COLEC10: variants seen among roughly 807,000 people sequenced by gnomAD.
COLEC10 encodes collectin subfamily member 10, also known as collectin-10.
A neutral mutation model predicts 28.4 loss-of-function variants in COLEC10; 22 were observed. The observed-to-expected ratio is 0.78, with a 90% CI of 0.55 to 1.11. COLEC10 has a LOEUF of 1.11. Ranked by LOEUF, COLEC10 falls within the 50% of genes least tolerant of loss-of-function variation. The pLI, the probability that COLEC10 is intolerant of heterozygous loss-of-function variation, is 0.00. For missense variants in COLEC10, 361 were observed against 344.1 expected (o/e 1.05, Z -0.39); for synonymous variants, 125 against 116.1 (o/e 1.08, Z -0.49).
At chr8:118,981,154 T>A in the COLEC10 span, among the ~76,000 whole-genome samples, 628 of 152,090 alleles carry the variant, frequency 4.1e-3, 3 homozygotes, top group South Asian at 0.011. Flanking sequence ...TTCTGTGGGT[T>A]CCGCCTCAAA....
chr8:119,067,210 C>T (rs556470646), upstream of COLEC10: 148 of 1,488,074 alleles, frequency 9.9e-5, 1 homozygote, highest in African/African-American at 1.7e-3. Flanking sequence ...TTCCCCAAAG[C>T]AGGAGGTTTT....
intron 3 of COLEC10, among the ~76,000 whole-genome samples, chr8:119,092,973 C>T (rs183641427): frequency 4.6e-5 from 7 of 152,048 alleles, no homozygotes; most frequent in African/African-American, 1.7e-4. Flanking sequence ...GGAGAGTAAG[C>T]AGCAAGACTG....
intron 2 of COLEC10, among the ~76,000 whole-genome samples, chr8:119,021,657 A>G (rs16891859): frequency 0.044 from 6,694 of 152,210 alleles, 219 homozygotes; most frequent in East Asian, 0.16. Flanking sequence ...CCTTGGCAGC[A>G]CTGTTAAATA....
At chr8:119,008,009 T>C (rs1474858685) in intron 1 of COLEC10, among the ~76,000 whole-genome samples, 1 of 150,922 alleles carries the variant, frequency 6.6e-6, no homozygotes, top group Non-Finnish European at 1.5e-5. Flanking sequence ...ACAAAAAAAT[T>C]ATTATTTAAC....
chr8:119,074,969 G>A (rs920871235), intron 1 of COLEC10, among the ~76,000 whole-genome samples: 8 of 152,208 alleles, frequency 5.3e-5, no homozygotes, highest in East Asian at 1.9e-4. Flanking sequence ...GTTAAGCCGC[G>A]TAAAGCTCTT....
chr8:119,091,302 C>A, intron 3 of COLEC10, 82 bp downstream of exon 3: 1 of 990,248 alleles, frequency 1.0e-6, no homozygotes, highest in Non-Finnish European at 1.6e-6. Context: ...GTAATCCCAA[C>A]ACTCAGAGAC....
At chr8:119,094,682 A>G (rs1469958083) in intron 3 of COLEC10, among the ~76,000 whole-genome samples, 1 of 152,180 alleles carries the variant, frequency 6.6e-6, no homozygotes, top group Admixed American at 6.5e-5. Flanking sequence ...AAAGTTGCTG[A>G]AACTGGATTG....
At chr8:118,992,426 A>G (rs1353373854), upstream of COLEC10, among the ~76,000 whole-genome samples, 1 of 152,178 alleles carries the variant, frequency 6.6e-6, no homozygotes, top group African/African-American at 2.4e-5. Context: ...TTGGCAGGAC[A>G]TGGTAGAAGA....
chr8:119,046,154 A>T (rs571670403), intron 2 of COLEC10, among the ~76,000 whole-genome samples: 87 of 152,342 alleles, frequency 5.7e-4, no homozygotes, highest in Non-Finnish European at 1.0e-3. Flanking sequence ...GGAGGAAAAA[A>T]GTCATCTCAA....
At chr8:119,057,154 T>C (rs1244395777) in intron 2 of COLEC10, among the ~76,000 whole-genome samples, 2 of 152,022 alleles carry the variant, frequency 1.3e-5, no homozygotes, top group African/African-American at 4.8e-5. Context: ...GTTTCCTCCA[T>C]GCTGTTCTCA....
intron 3 of COLEC10, among the ~76,000 whole-genome samples, chr8:119,091,508 T>C (rs1218538655): frequency 6.7e-6 from 1 of 148,500 alleles, no homozygotes; most frequent in East Asian, 2.0e-4. Context: ...TGAACCATGA[T>C]CACACCACTG....
intron 1 of COLEC10, among the ~76,000 whole-genome samples, chr8:119,004,995 G>A (rs184361926): frequency 2.2e-4 from 33 of 152,040 alleles, no homozygotes; most frequent in Non-Finnish European, 3.2e-4. Flanking sequence ...ATTCTAACAT[G>A]CAGGTATGAT....
intron 2 of COLEC10, among the ~76,000 whole-genome samples, chr8:119,011,706 G>A (rs1157608006): frequency 6.6e-6 from 1 of 150,786 alleles, no homozygotes; most frequent in Non-Finnish European, 1.5e-5. Flanking sequence ...AGTATTTTGT[G>A]CTTTTGGGTG....
intron 1 of COLEC10, among the ~76,000 whole-genome samples, chr8:118,996,715 G>A (rs1354911101): frequency 6.6e-6 from 1 of 152,150 alleles, no homozygotes; most frequent in Non-Finnish European, 1.5e-5. Context: ...GGTAATTTAT[G>A]AGAAAAGAGG....
In COLEC10 at chr8:119,015,273, C is replaced by T. The variant is rs76153857; in HGVS notation, n.235+5720C>T. On this transcript the variant is annotated intron_variant and non_coding_transcript_variant, in intron 2 of 6. Coordinates refer to the COLEC10 transcript ENST00000521788. ...TCGGTCTTTTGATGAGCCTGTGTCTCTAGACTGAATTTCATATATGTTTCT... is the reference window on the plus strand; with the variant it reads ...TCGGTCTTTTGATGAGCCTGTGTCTTTAGACTGAATTTCATATATGTTTCT... Among the ~76,000 whole-genome samples the T allele has an allele frequency of 5.4e-3, 792 of 147,900 alleles. 73 individuals are homozygous for T. Among genetic ancestry groups the T allele is most frequent in the African/African-American group, 0.02 (762 of 38,994 alleles).
chr8:119,052,376 AAG>A (rs942499119), intron 2 of COLEC10, among the ~76,000 whole-genome samples: 27 of 151,912 alleles, frequency 1.8e-4, no homozygotes, highest in Non-Finnish European at 3.2e-4. Context: ...GTTGCTGGGG[AAG>A]AGTTATTACA....
chr8:118,984,016 TA>T, the COLEC10 span, among the ~76,000 whole-genome samples: 6 of 148,058 alleles, frequency 4.1e-5, no homozygotes, highest in East Asian at 1.2e-3. Context: ...ATTGTTCTAC[TA>T]TAAAGACATG....
intron 2 of COLEC10, among the ~76,000 whole-genome samples, chr8:119,015,068 T>G (rs561006409): frequency 2.0e-5 from 3 of 151,192 alleles, no homozygotes; most frequent in African/African-American, 7.4e-5. Flanking sequence ...CATATCTGAG[T>G]CTGGTTTAGA....
chr8:119,045,564 C>T (rs969227579), intron 2 of COLEC10, among the ~76,000 whole-genome samples: 26 of 152,252 alleles, frequency 1.7e-4, no homozygotes, highest in Middle Eastern at 3.4e-3. Flanking sequence ...TTTTTGACTG[C>T]TTATATGGAG....
Sources: allele counts gnomAD v4.1 joint callset (sites outside exome capture counted in the v4.1 genomes callset), GRCh38; gene constraint gnomAD v4.1.1; transcripts MANE v1.5; gene names NCBI Gene and HGNC (gene_info 2026-07-23, HGNC 2026-07-21).